The following PPFIA1 variants were observed in gnomAD, a reference collection of about 807,000 sequenced individuals.
The protein encoded by PPFIA1 is liprin-alpha-1.
A neutral mutation model predicts 149.9 loss-of-function variants in PPFIA1; 25 were observed. That is an observed-to-expected ratio of 0.17 (90% confidence interval 0.12 to 0.23). The LOEUF (loss-of-function observed/expected upper bound fraction) is 0.23, where lower values mean the gene tolerates loss of function less well. PPFIA1 is among the 10% of genes least tolerant of loss of function. The pLI, the probability that PPFIA1 is intolerant of heterozygous loss-of-function variation, is 1.00. For missense variants in PPFIA1, 1,362 were observed against 1,506.5 expected (o/e 0.90, Z 1.59); for synonymous variants, 549 against 552.8 (o/e 0.99, Z 0.10).
At chr11:70,324,041 C>G (rs576276574) in intron 2 of PPFIA1, among the ~76,000 whole-genome samples, 1 of 152,376 alleles carries the variant, frequency 6.6e-6, no homozygotes, top group East Asian at 1.9e-4. Flanking sequence ...TCCAGCAACT[C>G]TAGATCACAT....
intron 16 of PPFIA1, chr11:70,349,863 G>A: frequency 2.2e-6 from 1 of 454,408 alleles, no homozygotes; most frequent in South Asian, 1.6e-5. Context: ...CTGGCTGACA[G>A]TCTCTATGCT....
chr11:70,372,973 A>G (rs891262313), intron 23 of PPFIA1, among the ~76,000 whole-genome samples: 2 of 152,210 alleles, frequency 1.3e-5, no homozygotes, highest in African/African-American at 2.4e-5. Flanking sequence ...CAAGGGGTTC[A>G]GGAGAACAGG....
chr11:70,353,095 G>A (rs906983374), intron 16 of PPFIA1, among the ~76,000 whole-genome samples: 1 of 152,208 alleles, frequency 6.6e-6, no homozygotes, highest in Non-Finnish European at 1.5e-5. Context: ...TTAACTGTTA[G>A]TTGAGATTCT....
chr11:70,279,204 C>T (rs182027207), intron 2 of PPFIA1: 15 of 401,276 alleles, frequency 3.7e-5, no homozygotes, highest in Middle Eastern at 4.8e-4. Context: ...TCAGTGAATA[C>T]GGCCCACCAG....
chr11:70,327,909 T>A (rs2054417582), intron 7 of PPFIA1, among the ~76,000 whole-genome samples: 1 of 152,204 alleles, frequency 6.6e-6, no homozygotes, highest in Non-Finnish European at 1.5e-5. Flanking sequence ...TGCTTTTCAG[T>A]TTGGTAGTTT....
chr11:70,354,815 C>A lies in PPFIA1; in HGVS notation c.2315+363C>A, dbSNP rs143266146. Among the ~76,000 whole-genome samples the A allele has an allele frequency of 2.7e-3, 415 of 152,208 alleles. 1 individual carries two copies. Among genetic ancestry groups the A allele is most frequent in the African/African-American group, 9.7e-3 (404 of 41,540 alleles). On this transcript the variant is annotated intron_variant, in intron 17 of 27. Transcript: ENST00000253925. ...GTATTGGAACCGCTCTCTAGGACAA[C>A]CCGTGCCTTTCTTGTGCCTTTTGTA...
chr11:70,354,328 G>T lies in PPFIA1; in HGVS notation c.2191G>T (p.Asp731Tyr), dbSNP rs770059890. The change falls in exon 17 of 28, where the codon GAT becomes TAT. Residue 731 changes from aspartate to tyrosine, a missense_variant. Asp to Tyr is a radical substitution (Grantham distance 160). This residue lies in a region of PPFIA1 where 733 missense variants were observed against 744.1 expected (regional missense o/e 0.99). Coordinates refer to ENST00000253925, the MANE Select transcript of PPFIA1 (RefSeq NM_003626.5). ...LLPPSREEVR[D>Y]DKTTIKCETS... ...GCCACCTTCCAGAGAAGAGGTACGA[G>T]ATGACAAGACAACCATAAAGTGTGA... is the stretch of plus-strand genomic sequence containing the variant. The T allele has an allele frequency of 1.2e-6, 2 of 1,613,972 alleles. No homozygotes were observed. The highest frequency in any genetic ancestry group is 1.1e-5 in the South Asian group (1 of 91,026).
At chr11:70,317,676 G>T (rs963107917) in intron 2 of PPFIA1, among the ~76,000 whole-genome samples, 1 of 152,170 alleles carries the variant, frequency 6.6e-6, no homozygotes, top group African/African-American at 2.4e-5. Flanking sequence ...GCTGGTGCCG[G>T]AAGAGTGACA....
At chr11:70,348,857 T>A (rs2055875290) in intron 16 of PPFIA1, among the ~76,000 whole-genome samples, 1 of 151,998 alleles carries the variant, frequency 6.6e-6, no homozygotes, top group East Asian at 1.9e-4. Flanking sequence ...GGCAGCAGAG[T>A]GAGACCCTGT....
At chr11:70,290,506 A>G (rs1467709154) in intron 2 of PPFIA1, among the ~76,000 whole-genome samples, 1 of 152,226 alleles carries the variant, frequency 6.6e-6, no homozygotes, top group Admixed American at 6.5e-5. Flanking sequence ...AGATGTGGAC[A>G]AAATGTTTCC....
At chr11:70,288,069 C>CTT (rs56261744) in intron 2 of PPFIA1, among the ~76,000 whole-genome samples, 25 of 138,138 alleles carry the variant, frequency 1.8e-4, no homozygotes, top group Admixed American at 3.6e-4. Context: ...CTCACCTCTG[C>CTT]TTTTTTTTTT....
At chr11:70,340,109 GC>G (rs2055225260) in intron 14 of PPFIA1, among the ~76,000 whole-genome samples, 1 of 151,354 alleles carries the variant, frequency 6.6e-6, no homozygotes, top group Admixed American at 6.6e-5. Context: ...ACCAGCTTTG[GC>G]AACACAGGGA....
intron 21 of PPFIA1, among the ~76,000 whole-genome samples, chr11:70,367,076 T>C (rs7941965): frequency 0.22 from 33,243 of 152,146 alleles, 5,526 homozygotes; most frequent in African/African-American, 0.46. Flanking sequence ...AGGAGCAGAA[T>C]TTGGTTAATA....
chr11:70,345,732 C>T (rs2055650913), intron 15 of PPFIA1, among the ~76,000 whole-genome samples: 1 of 152,072 alleles, frequency 6.6e-6, no homozygotes, highest in Non-Finnish European at 1.5e-5. Context: ...GAGGCTGAGG[C>T]GGGAGGATCC....
chr11:70,363,562 G>A (rs1471414068), intron 21 of PPFIA1, among the ~76,000 whole-genome samples: 1 of 152,096 alleles, frequency 6.6e-6, no homozygotes, highest in African/African-American at 2.4e-5. Flanking sequence ...CACCCAGGCT[G>A]GAGTGCAGTG....
chr11:70,351,104 G>A (rs888111125), intron 16 of PPFIA1: 1 of 750,614 alleles, frequency 1.3e-6, no homozygotes, highest in African/African-American at 1.9e-5. Context: ...CATAAATGTA[G>A]CATTATGTAG....
intron 2 of PPFIA1, among the ~76,000 whole-genome samples, chr11:70,295,242 C>T (rs1442964022): frequency 7.1e-6 from 1 of 141,496 alleles, no homozygotes; most frequent in African/African-American, 2.7e-5. Context: ...GCTGACCCCC[C>T]CACCTCCCTC....
intron 2 of PPFIA1, among the ~76,000 whole-genome samples, chr11:70,292,170 A>G (rs914874907): frequency 6.6e-6 from 1 of 152,068 alleles, no homozygotes; most frequent in Non-Finnish European, 1.5e-5. Context: ...TTTTTTGTAG[A>G]GACAGGGTTT....
At chr11:70,286,242 CA>C (rs1480702569) in intron 2 of PPFIA1, among the ~76,000 whole-genome samples, 1 of 152,090 alleles carries the variant, frequency 6.6e-6, no homozygotes, top group Non-Finnish European at 1.5e-5. Context: ...TCTACGTAGT[CA>C]GGTGGCTATG....
Sources: allele counts gnomAD v4.1 joint callset (sites outside exome capture counted in the v4.1 genomes callset), GRCh38; gene constraint gnomAD v4.1.1; regional missense constraint gnomAD v4.1.1; transcripts MANE v1.5; gene names NCBI Gene and HGNC (gene_info 2026-07-23, HGNC 2026-07-21).